The following ENTPD5 variants were observed in gnomAD, a reference collection of about 807,000 sequenced individuals.
The protein encoded by ENTPD5 is nucleoside diphosphate phosphatase ENTPD5.
Under a neutral mutation model 60.2 loss-of-function variants are expected in ENTPD5, and 49 were observed. The ratio of observed to expected loss-of-function variants is 0.81; its 90% confidence interval spans 0.65 to 1.03. The LOEUF is 1.03. Ranked by LOEUF, ENTPD5 falls within the 50% of genes least tolerant of loss-of-function variation. ENTPD5 has a pLI of 0.00. For synonymous variants in ENTPD5, 187 were observed against 185.4 expected (o/e 1.01, Z -0.07); for missense variants, 480 against 507.6 (o/e 0.95, Z 0.52).
intron 3 of ENTPD5, among the ~76,000 whole-genome samples, chr14:73,994,296 T>C (rs1041386596): frequency 6.6e-6 from 1 of 151,862 alleles, no homozygotes; most frequent in Non-Finnish European, 1.5e-5. Flanking sequence ...TGGCTAATTT[T>C]TTGTATTTTT....
At chr14:73,976,696 T>A (rs1395771534) in intron 8 of ENTPD5, among the ~76,000 whole-genome samples, 2 of 151,200 alleles carry the variant, frequency 1.3e-5, no homozygotes, top group Admixed American at 1.3e-4. Flanking sequence ...CACTGCAACC[T>A]CTGCCTCCTG....
At chr14:73,955,639 G>A, downstream of ENTPD5, 1 of 1,345,566 alleles carries the variant, frequency 7.4e-7, no homozygotes, top group Non-Finnish European at 1.1e-6. Context: ...CGAGGAAGTG[G>A]GGAGAAGCAT....
intron 2 of ENTPD5, among the ~76,000 whole-genome samples, chr14:74,012,718 G>GGAAT (rs75359816): frequency 0.11 from 16,330 of 152,126 alleles, 930 homozygotes; most frequent in South Asian, 0.17. Context: ...CTACCATAAT[G>GGAAT]GAATGTAGGC....
intron 2 of ENTPD5, among the ~76,000 whole-genome samples, chr14:74,014,878 A>G (rs2058967701): frequency 6.6e-6 from 1 of 152,146 alleles, no homozygotes. Context: ...TGAGGAGTTC[A>G]AGACCGGCCT....
At chr14:73,993,465 G>C (rs933994281) in intron 3 of ENTPD5, among the ~76,000 whole-genome samples, 4 of 152,216 alleles carry the variant, frequency 2.6e-5, no homozygotes, top group Admixed American at 6.5e-5. Context: ...CTATTGGTTA[G>C]GAGAGGAACA....
At chr14:74,013,032 T>C (rs1410871423) in intron 2 of ENTPD5, among the ~76,000 whole-genome samples, 1 of 152,188 alleles carries the variant, frequency 6.6e-6, no homozygotes, top group African/African-American at 2.4e-5. Context: ...CCCTCTGCTC[T>C]AGTCTAGTGG....
At position 73,966,907 on chromosome 14, in the gene ENTPD5, T is replaced by A. The variant is rs1182362401; in HGVS notation, c.*21A>T. ...TTAAAAAGGTGTTGGCAAATGCAGG[T>A]CTCCAAGGAAGTACGTGGCCTCAAT... On this transcript the variant is annotated 3_prime_UTR_variant, in exon 16 of 16. Transcript: ENST00000334696. The A allele has an allele frequency of 6.3e-6, 10 of 1,599,340 alleles. No homozygotes were observed. The highest frequency in any genetic ancestry group is 8.6e-6 in the Non-Finnish European group (10 of 1,167,106).
downstream of ENTPD5, chr14:73,955,679 T>C: frequency 6.7e-7 from 1 of 1,494,914 alleles, no homozygotes. Flanking sequence ...TCATTTTATA[T>C]TTTCCTACCA....
chr14:74,008,867 A>G (rs1260435175), intron 3 of ENTPD5: 1 of 152,174 alleles, frequency 6.6e-6, no homozygotes, highest in African/African-American at 2.4e-5. Context: ...AAATTCAAAT[A>G]CTGTAACTGC....
In ENTPD5 at chr14:73,982,781, A is replaced by G. The variant is rs114055930; in HGVS notation, c.441+237T>C. 4.3e-3 allele frequency among the ~76,000 whole-genome samples: 649 copies of G among 152,188 alleles called. 5 individuals are homozygous for G. Among genetic ancestry groups the G allele is most frequent in the African/African-American group, 0.015 (612 of 41,506 alleles). On this transcript the variant is annotated intron_variant, in intron 6 of 15. Coordinates refer to ENST00000334696, the MANE Select transcript of ENTPD5 (RefSeq NM_001249.5). ...AAAAAATAAAAATAAAAATAAAAAG[A>G]ATGAAGAATATCCTAGATAGAAAGT...
At position 73,994,592 on chromosome 14, in the gene ENTPD5, G is replaced by A. The variant is rs183773048; in HGVS notation, c.-70-6420C>T. Among the ~76,000 whole-genome samples the A allele has an allele frequency of 1.6e-3, 239 of 151,948 alleles. 6 individuals are homozygous for A. The highest frequency in any genetic ancestry group is 5.6e-3 in the African/African-American group (232 of 41,404). On this transcript the variant is annotated intron_variant, in intron 3 of 15. Transcript: ENST00000334696. ...TACTAAAAACACAAAAATTAGCCAG[G>A]CGTGGTGGCAGGCACCTGTAATCCC...
intron 6 of ENTPD5, among the ~76,000 whole-genome samples, chr14:73,979,469 G>A (rs952505435): frequency 6.1e-4 from 87 of 142,148 alleles, no homozygotes; most frequent in Non-Finnish European, 1.8e-4. Context: ...TACATAGTAA[G>A]CACTTTTTTT....
rs373663507 is a variant in ENTPD5 at position 74,005,818 on chromosome 14, TAAAA to T, written c.-71+5269_-71+5272del. 2.9e-3 allele frequency among the ~76,000 whole-genome samples: 435 copies of T among 151,770 alleles called. 2 individuals carry two copies. The highest frequency in any genetic ancestry group is 0.01 in the African/African-American group (418 of 41,382). ...CAGGACTCCATTTCAAAAAAATAAA[TAAAA>T]AACAAAACAAATAAACAAACAAAAT... On this transcript the variant is annotated intron_variant, in intron 3 of 15. Transcript: ENST00000334696.
chr14:73,955,885 T>C (rs756378186), downstream of ENTPD5: 18 of 1,614,198 alleles, frequency 1.1e-5, no homozygotes, highest in Admixed American at 3.0e-4. Context: ...TGGAGAATGA[T>C]GTCATCATGC....
At chr14:73,960,080 T>C (rs1031665687), downstream of ENTPD5, 6 of 1,002,078 alleles carry the variant, frequency 6.0e-6, no homozygotes, top group African/African-American at 8.7e-5. Context: ...ATTGGCCTTT[T>C]TTTGAAGCTG....
In ENTPD5 at chr14:73,978,766, C is replaced by G. The variant is rs139445351; in HGVS notation, c.442-1392G>C. Among the ~76,000 whole-genome samples the G allele has an allele frequency of 6.0e-3, 912 of 151,348 alleles. 8 individuals are homozygous for G. Among genetic ancestry groups the G allele is most frequent in the African/African-American group, 0.021 (872 of 41,242 alleles). ...TCTATACTAAAAATAGAATATTAGCCGGGCATGATGGCGCATGCCTGTAAT... is the reference window on the plus strand; with the variant it reads ...TCTATACTAAAAATAGAATATTAGCGGGGCATGATGGCGCATGCCTGTAAT... On this transcript the variant is annotated intron_variant, in intron 6 of 15. Transcript: ENST00000334696.
downstream of ENTPD5, chr14:73,958,758 C>T: frequency 1.4e-6 from 2 of 1,457,632 alleles, no homozygotes; most frequent in Non-Finnish European, 1.8e-6. Context: ...TGGCTGGCAC[C>T]TGTTCAGTCA....
chr14:73,975,049 C>T, intron 10 of ENTPD5, 64 bp from the exon 11 acceptor site: 1 of 1,224,964 alleles, frequency 8.2e-7, no homozygotes, highest in Non-Finnish European at 1.2e-6. Context: ...AAAGCTACCT[C>T]TTTCAAAAGT....
Position 73,988,007 on chromosome 14 carries a change from AC to A in ENTPD5, c.95del (p.Gly32ValfsTer47). 1 of 1,614,144 alleles carries A rather than the reference AC, an allele frequency of 6.2e-7. No homozygotes were observed. Among genetic ancestry groups the A allele is most frequent in the Non-Finnish European group, 8.5e-7 (1 of 1,180,024 alleles). ...TGGGGCACATGGAAGACAGGAAGAT[AC>A]CCTCAAACCAAGTCTGCTGGTTCCT... ...SHRNQQTWFE[G>X]IFLSSMCPIN... is the part of the protein sequence containing the mutation. On this transcript the variant is annotated frameshift_variant, in exon 4 of 16. Coordinates refer to ENST00000334696, the MANE Select transcript of ENTPD5 (RefSeq NM_001249.5). LOFTEE classifies it high-confidence loss of function.
Sources: allele counts gnomAD v4.1 joint callset (sites outside exome capture counted in the v4.1 genomes callset), GRCh38; gene constraint gnomAD v4.1.1; transcripts MANE v1.5; gene names NCBI Gene and HGNC (gene_info 2026-07-23, HGNC 2026-07-21).